Variants in KCNT2 observed in about 807,000 individuals in gnomAD.
The protein encoded by KCNT2 is potassium sodium-activated channel subfamily T member 2, also known as potassium channel subfamily T member 2.
Under a neutral mutation model 153.8 loss-of-function variants are expected in KCNT2, and 67 were observed. The observed-to-expected ratio is 0.44, with a 90% CI of 0.36 to 0.53. The LOEUF (loss-of-function observed/expected upper bound fraction) is 0.53, where lower values mean the gene tolerates loss of function less well. Ranked by LOEUF, KCNT2 falls within the 20% of genes least tolerant of loss-of-function variation. The pLI is 0.00. For missense variants in KCNT2, 975 were observed against 1,354.8 expected, an observed-to-expected ratio of 0.72 and a Z score of 4.40; for synonymous variants, 500 against 458.8, an observed-to-expected ratio of 1.09 and a Z score of -1.15.
chr1:196,479,709 CTA>C (rs1557988946), intron 4 of KCNT2, among the ~76,000 whole-genome samples: 1 of 152,186 alleles, frequency 6.6e-6, no homozygotes, highest in Non-Finnish European at 1.5e-5. Flanking sequence ...CCGTACCCAG[CTA>C]TGTGTGTGTG....
Position 196,586,553 on chromosome 1 carries a change from G to A in KCNT2, c.95+21662C>T, listed in dbSNP as rs377510778. ...TATTCGTTTCTGTTATCATTAATAA[G>A]AGTACCTGATTTATCATTGAGTCAC... is the stretch of plus-strand genomic sequence containing the variant. On this transcript the variant is annotated intron_variant, in intron 1 of 27. Coordinates refer to ENST00000294725, the MANE Select transcript of KCNT2 (RefSeq NM_198503.5). Among the ~76,000 whole-genome samples, 51 of 152,028 alleles carry A rather than the reference G, an allele frequency of 3.4e-4. 2 individuals are homozygous for A. The East Asian group carries it at 9.1e-3, about 27-fold the overall frequency.
intron 26 of KCNT2, chr1:196,257,519 G>A (rs1656620099): frequency 1.0e-6 from 1 of 958,778 alleles, no homozygotes; most frequent in Non-Finnish European, 1.2e-6. Flanking sequence ...TCCTTTGACT[G>A]GACTAAATAT....
At chr1:196,350,399 C>G (rs180972636) in intron 14 of KCNT2, among the ~76,000 whole-genome samples, 29 of 152,294 alleles carry the variant, frequency 1.9e-4, no homozygotes, top group African/African-American at 6.7e-4. Flanking sequence ...GATTGCCATT[C>G]TGACTGGTGT....
At chr1:196,434,846 G>C (rs1338306654) in intron 8 of KCNT2, among the ~76,000 whole-genome samples, 1 of 151,608 alleles carries the variant, frequency 6.6e-6, no homozygotes, top group African/African-American at 2.4e-5. Flanking sequence ...CCACCACACT[G>C]TGAAGATGGT....
intron 8 of KCNT2, among the ~76,000 whole-genome samples, chr1:196,444,095 T>A (rs1242755147): frequency 6.6e-6 from 1 of 151,210 alleles, no homozygotes. Context: ...GCAAAAAACA[T>A]AAGAGAGAGA....
intron 8 of KCNT2, among the ~76,000 whole-genome samples, chr1:196,456,613 G>A (rs1004018117): frequency 7.2e-5 from 11 of 151,784 alleles, no homozygotes; most frequent in Non-Finnish European, 1.0e-4. Flanking sequence ...CTGGTTATTT[G>A]TTAATAGGGG....
chr1:196,538,540 T>C lies in KCNT2; in HGVS notation c.96-46199A>G, dbSNP rs548638218. On this transcript the variant is annotated intron_variant, in intron 1 of 27. Transcript: ENST00000294725. ...TGTATGTACAGCATTAGCAGTGTAA[T>C]TATACTTTTTACAGACAATAGTGGC... Among the ~76,000 whole-genome samples, 7 of 152,260 alleles carry C rather than the reference T, an allele frequency of 4.6e-5. No individual in the cohort carries two copies. In the South Asian group the frequency reaches 1.5e-3, roughly 32 times the overall value.
At chr1:196,244,105 G>A (rs1655207579) in intron 26 of KCNT2, among the ~76,000 whole-genome samples, 1 of 152,096 alleles carries the variant, frequency 6.6e-6, no homozygotes, top group African/African-American at 2.4e-5. Flanking sequence ...AAGGGAACCT[G>A]CTTCTTTAAA....
At chr1:196,430,370 C>T (rs960385931) in intron 8 of KCNT2, among the ~76,000 whole-genome samples, 4 of 145,602 alleles carry the variant, frequency 2.7e-5, no homozygotes, top group Non-Finnish European at 6.1e-5. Flanking sequence ...GGCTCCCTCA[C>T]AAGATCGATC....
chr1:196,387,255 T>TA (rs1195644325), intron 13 of KCNT2, among the ~76,000 whole-genome samples: 1 of 152,032 alleles, frequency 6.6e-6, no homozygotes, highest in Admixed American at 6.6e-5. Context: ...CCTACTATCC[T>TA]CTATCTTGGT....
Position 196,281,412 on chromosome 1 carries a change from A to G in KCNT2, c.2782-424T>C, listed in dbSNP as rs367774625. ...TGCATGCTGCAATAACTGGAGGCTGACACTGGTATTTAATGTACAGGGTAT... is the reference window on the plus strand; with the variant it reads ...TGCATGCTGCAATAACTGGAGGCTGGCACTGGTATTTAATGTACAGGGTAT... On this transcript the variant is annotated intron_variant, in intron 24 of 27. Coordinates refer to ENST00000294725, the MANE Select transcript of KCNT2 (RefSeq NM_198503.5). Among the ~76,000 whole-genome samples, 13 of 152,176 alleles carry G rather than the reference A, an allele frequency of 8.5e-5. 3 individuals are homozygous for G. Among genetic ancestry groups the G allele is most frequent in the East Asian group, 7.7e-4 (4 of 5,190 alleles).
intron 1 of KCNT2, among the ~76,000 whole-genome samples, chr1:196,565,170 T>C (rs2148934176): frequency 6.8e-6 from 1 of 146,902 alleles, no homozygotes; most frequent in South Asian, 2.1e-4. Flanking sequence ...AACATATAAA[T>C]GGCCAATAGA....
At chr1:196,522,830 G>C (rs1447864940) in intron 1 of KCNT2, among the ~76,000 whole-genome samples, 1 of 152,146 alleles carries the variant, frequency 6.6e-6, no homozygotes, top group East Asian at 1.9e-4. Context: ...GATTGTAAAT[G>C]CACCAATCAG....
At chr1:196,384,619 C>T (rs1025761589) in intron 13 of KCNT2, among the ~76,000 whole-genome samples, 1 of 149,988 alleles carries the variant, frequency 6.7e-6, no homozygotes, top group African/African-American at 2.5e-5. Context: ...AGGAGAATCG[C>T]TTGAACCCAG....
chr1:196,240,577 A>G (rs1339528918), intron 26 of KCNT2, among the ~76,000 whole-genome samples: 3 of 152,060 alleles, frequency 2.0e-5, no homozygotes, highest in Admixed American at 6.6e-5. Context: ...GCATAAATAG[A>G]GAAAGCGTGT....
At chr1:196,518,445 C>T (rs1652893864) in intron 1 of KCNT2, among the ~76,000 whole-genome samples, 1 of 145,572 alleles carries the variant, frequency 6.9e-6, no homozygotes, top group African/African-American at 2.5e-5. Context: ...CTAAATCTCA[C>T]CATTTAAAAA....
intron 1 of KCNT2, among the ~76,000 whole-genome samples, chr1:196,591,220 G>T (rs548833362): frequency 6.6e-6 from 1 of 152,102 alleles, no homozygotes; most frequent in South Asian, 2.1e-4. Context: ...AAGAAGCCTG[G>T]CACCTCCTTT....
At chr1:196,251,348 T>C (rs1655953490) in intron 26 of KCNT2, among the ~76,000 whole-genome samples, 1 of 152,120 alleles carries the variant, frequency 6.6e-6, no homozygotes, top group South Asian at 2.1e-4. Flanking sequence ...ATAAAGTGTT[T>C]TTTTCCTCTA....
chr1:196,608,120 T>G, intron 1 of KCNT2, 95 bp downstream of exon 1: 1 of 1,097,396 alleles, frequency 9.1e-7, no homozygotes, highest in Non-Finnish European at 1.4e-6. Context: ...TCTGGCTCCG[T>G]TTTCCTTTTC....
Sources: allele counts gnomAD v4.1 joint callset (sites outside exome capture counted in the v4.1 genomes callset), GRCh38; gene constraint gnomAD v4.1.1; transcripts MANE v1.5; gene names NCBI Gene and HGNC (gene_info 2026-07-23, HGNC 2026-07-21).